CDKN2B-AS1: variants seen among roughly 807,000 people sequenced by gnomAD.
CDKN2B-AS1 encodes CDKN2B antisense RNA 1 (non-protein coding).
At chr9:22,013,038 C>T (rs1821580822) in intron 1 of CDKN2B-AS1, among the ~76,000 whole-genome samples, 1 of 152,192 alleles carries the variant, frequency 6.6e-6, no homozygotes, top group African/African-American at 2.4e-5. Flanking sequence ...TGAGGCTTCT[C>T]TTCTTGACTT....
intron 4 of CDKN2B-AS1, among the ~76,000 whole-genome samples, chr9:22,126,966 G>T (rs1818031507): frequency 6.6e-6 from 1 of 152,166 alleles, no homozygotes; most frequent in Non-Finnish European, 1.5e-5. Flanking sequence ...ATGACATTAT[G>T]CATCAAATCT....
chr9:22,109,511 A>G (rs1030005626), intron 4 of CDKN2B-AS1, among the ~76,000 whole-genome samples: 2 of 152,182 alleles, frequency 1.3e-5, no homozygotes, highest in African/African-American at 4.8e-5. Context: ...TGAAGGAATA[A>G]TGACAAACTC....
At chr9:22,121,905 A>T (rs576948372) in intron 4 of CDKN2B-AS1, among the ~76,000 whole-genome samples, 2 of 152,154 alleles carry the variant, frequency 1.3e-5, no homozygotes, top group South Asian at 4.1e-4. Flanking sequence ...CTTTGGATAA[A>T]TTGCTAGTAA....
At position 22,006,076 on chromosome 9, in the gene CDKN2B-AS1, C is replaced by T. The variant is rs762253433; in HGVS notation, n.29+10915C>T. ...TCCACGGGCAGACGACCCCAGGCAT[C>T]GCGCACGTCCAGCCGCGCCCCGGCC... is the stretch of plus-strand genomic sequence containing the variant. On this transcript the variant is annotated intron_variant and non_coding_transcript_variant, in intron 1 of 4. Coordinates refer to ENST00000650946, the Ensembl canonical transcript of CDKN2B-AS1. This position sits in a 1 kb window ranked among gnomAD's most constrained non-coding sequence, Gnocchi z 6.4. 1.9e-5 allele frequency: 31 copies of T among 1,606,882 alleles called. No homozygotes were observed. Among genetic ancestry groups the T allele is most frequent in the South Asian group, 1.1e-4 (10 of 91,014 alleles).
chr9:22,005,833 C>T lies in CDKN2B-AS1; in HGVS notation n.29+10672C>T, dbSNP rs1821144118. The T allele has an allele frequency of 4.2e-6, 4 of 952,514 alleles. No individual in the cohort carries two copies. The highest frequency in any genetic ancestry group is 5.3e-5 in the East Asian group (2 of 37,974). The allele number at this position is 952,514 out of a possible 1,614,324, so 59.0% of individuals were successfully genotyped here. ...AAAAAAATGTATGGAAGGTTATTCC[C>T]GGTCGGCTCCTCCTTCCTGTGAGTC... On this transcript the variant is annotated intron_variant and non_coding_transcript_variant, in intron 1 of 4. Transcript: ENST00000650946. The surrounding 1 kb of genome is among the most constrained non-coding windows in gnomAD (Gnocchi z 4.9).
chr9:22,065,259 C>T (rs985421712), intron 4 of CDKN2B-AS1, among the ~76,000 whole-genome samples: 1 of 152,138 alleles, frequency 6.6e-6, no homozygotes, highest in African/African-American at 2.4e-5. Flanking sequence ...CCACCAGGTT[C>T]CTCTTTCCAG....
chr9:22,126,332 G>A (rs1168135142), intron 4 of CDKN2B-AS1, among the ~76,000 whole-genome samples: 1 of 151,978 alleles, frequency 6.6e-6, no homozygotes, highest in Non-Finnish European at 1.5e-5. Context: ...TAAAATGAGA[G>A]GTCTATCATA....
intron 1 of CDKN2B-AS1, chr9:22,003,884 T>C (rs1821042751): frequency 4.3e-6 from 1 of 232,428 alleles, no homozygotes; most frequent in South Asian, 1.8e-4. Flanking sequence ...TTCTGCTTTT[T>C]TTTAAAAAAA....
chr9:22,073,581 C>T (rs916089133), intron 4 of CDKN2B-AS1, among the ~76,000 whole-genome samples: 2 of 151,950 alleles, frequency 1.3e-5, no homozygotes, highest in East Asian at 3.9e-4. Flanking sequence ...GGAAATCTGC[C>T]CTCCAAAATA....
At chr9:22,091,553 A>T (rs2131342589) in intron 4 of CDKN2B-AS1, among the ~76,000 whole-genome samples, 1 of 152,220 alleles carries the variant, frequency 6.6e-6, no homozygotes, top group East Asian at 1.9e-4. Flanking sequence ...ATCCCTTGCA[A>T]GTTGGATTCC....
chr9:22,025,096 C>T (rs1393873601), intron 1 of CDKN2B-AS1, among the ~76,000 whole-genome samples: 1 of 152,240 alleles, frequency 6.6e-6, no homozygotes, highest in East Asian at 1.9e-4. Flanking sequence ...GCACTAAACC[C>T]TCTGGGCTCC....
intron 4 of CDKN2B-AS1, among the ~76,000 whole-genome samples, chr9:22,102,680 CA>C (rs1246622135): frequency 2.0e-5 from 3 of 152,120 alleles, no homozygotes; most frequent in African/African-American, 4.8e-5. Flanking sequence ...ACCTAAAACC[CA>C]AAAACAATCT....
At chr9:22,087,786 A>G (rs1824914212) in intron 4 of CDKN2B-AS1, among the ~76,000 whole-genome samples, 1 of 152,172 alleles carries the variant, frequency 6.6e-6, no homozygotes, top group South Asian at 2.1e-4. Flanking sequence ...ATATCCATTT[A>G]TTTTGAAGAG....
At chr9:22,011,929 G>C (rs1380105954) in intron 1 of CDKN2B-AS1, among the ~76,000 whole-genome samples, 1 of 152,196 alleles carries the variant, frequency 6.6e-6, no homozygotes, top group Non-Finnish European at 1.5e-5. Context: ...TTATAATTGA[G>C]AAGAAAGAAA....
chr9:22,087,906 A>G (rs1351653641), intron 4 of CDKN2B-AS1, among the ~76,000 whole-genome samples: 1 of 152,332 alleles, frequency 6.6e-6, no homozygotes, highest in East Asian at 1.9e-4. Flanking sequence ...TATTTGCCAG[A>G]TATAGTTTCC....
intron 1 of CDKN2B-AS1, among the ~76,000 whole-genome samples, chr9:22,043,491 T>C (rs574213783): frequency 6.6e-6 from 1 of 152,150 alleles, no homozygotes; most frequent in South Asian, 2.1e-4. Flanking sequence ...CACATATTAA[T>C]ATACTTGCCT....
chr9:22,058,730 T>G (rs1373208800), intron 4 of CDKN2B-AS1: 1 of 152,618 alleles, frequency 6.6e-6, no homozygotes, highest in Non-Finnish European at 1.5e-5. Flanking sequence ...ACGGCCACTT[T>G]TTGGTCACTA....
intron 4 of CDKN2B-AS1, among the ~76,000 whole-genome samples, chr9:22,115,727 A>T (rs1222598476): frequency 6.6e-6 from 1 of 152,138 alleles, no homozygotes; most frequent in Non-Finnish European, 1.5e-5. Context: ...AGCTTGGATC[A>T]CATGGACTTG....
Position 22,042,953 on chromosome 9 carries a change from T to TA in CDKN2B-AS1, n.30-3797dup, listed in dbSNP as rs146146890. Among the ~76,000 whole-genome samples the TA allele has an allele frequency of 8.3e-3, 1,259 of 152,216 alleles. 85 individuals carry two copies. In the East Asian group the frequency reaches 0.18, roughly 21 times the overall value. ...ACATGTTTGGAAAATCTATTCACAA[T>TA]AGAGTTTTATGATATTCCTGTTAAC... On this transcript the variant is annotated intron_variant and non_coding_transcript_variant, in intron 1 of 4. Coordinates refer to ENST00000650946, the Ensembl canonical transcript of CDKN2B-AS1.
Sources: allele counts gnomAD v4.1 joint callset (sites outside exome capture counted in the v4.1 genomes callset), GRCh38; gene constraint gnomAD v4.1.1; non-coding constraint Gnocchi (gnomAD v3.1); transcripts MANE v1.5; gene names NCBI Gene and HGNC (gene_info 2026-07-23, HGNC 2026-07-21).